The following SETDB2 variants were observed in gnomAD, a reference collection of about 807,000 sequenced individuals.
SETDB2 encodes the protein SET domain bifurcated histone lysine methyltransferase 2.
Under a neutral mutation model 82.5 loss-of-function variants are expected in SETDB2, and 56 were observed. The observed-to-expected ratio is 0.68, with a 90% confidence interval of 0.55 to 0.85. The LOEUF (loss-of-function observed/expected upper bound fraction) is 0.85, where lower values mean the gene tolerates loss of function less well. Ranked by LOEUF, SETDB2 falls within the 40% of genes least tolerant of loss-of-function variation. The probability of loss-of-function intolerance (pLI) is 0.00; values close to 1 mark genes in which losing one functional copy is unlikely to be tolerated. For synonymous variants in SETDB2, 272 were observed against 284.9 expected (o/e 0.95, Z 0.46); for missense variants, 677 against 816.4 (o/e 0.83, Z 2.08).
chr13:49,457,878 C>T (rs1024118302), intron 2 of SETDB2, among the ~76,000 whole-genome samples: 2 of 152,072 alleles, frequency 1.3e-5, no homozygotes, highest in East Asian at 3.9e-4. Flanking sequence ...TAAATACTTC[C>T]AAAATACTTG....
At chr13:49,454,236 C>T (rs1297554034) in intron 2 of SETDB2, among the ~76,000 whole-genome samples, 1 of 151,844 alleles carries the variant, frequency 6.6e-6, no homozygotes, top group Non-Finnish European at 1.5e-5. Flanking sequence ...AATCCTGTCT[C>T]TACTTAAAAA....
chr13:49,493,865 T>C lies in SETDB2; in HGVS notation c.*2016T>C, dbSNP rs1351836102. On this transcript the variant is annotated 3_prime_UTR_variant, in exon 14 of 14. Coordinates refer to ENST00000611815, the MANE Select transcript of SETDB2 (RefSeq NM_001160308.3). ...CTTCTCTTTTGCATATATAATCCAT[T>C]TTTATCTCTCTTGAAGCTTATAGGT... is the stretch of plus-strand genomic sequence containing the variant. 1 of 152,206 alleles carries C rather than the reference T, an allele frequency of 6.6e-6. No individual in the cohort carries two copies. Among genetic ancestry groups the C allele is most frequent in the African/African-American group, 2.4e-5 (1 of 41,452 alleles). 9.4% of individuals were successfully genotyped at this position (152,206 alleles called of 1,614,324 possible).
At chr13:49,479,232 G>A (rs1594169326) in intron 6 of SETDB2, among the ~76,000 whole-genome samples, 1 of 151,912 alleles carries the variant, frequency 6.6e-6, no homozygotes, top group Non-Finnish European at 1.5e-5. Context: ...TATATATGTG[G>A]TGTATATGTG....
intron 6 of SETDB2, among the ~76,000 whole-genome samples, chr13:49,479,452 G>A (rs530248407): frequency 8.3e-4 from 126 of 152,244 alleles, no homozygotes; most frequent in African/African-American, 3.0e-3. Flanking sequence ...GATTGTTGTC[G>A]TTGTTCTTTT....
intron 2 of SETDB2, among the ~76,000 whole-genome samples, chr13:49,455,475 T>C (rs747919837): frequency 2.0e-5 from 3 of 152,194 alleles, no homozygotes; most frequent in Admixed American, 2.0e-4. Context: ...CAGTGAATTA[T>C]GCAGATCTTC....
chr13:49,489,620 C>T (rs1201596870), intron 12 of SETDB2, among the ~76,000 whole-genome samples: 1 of 85,452 alleles, frequency 1.2e-5, no homozygotes, highest in Non-Finnish European at 2.1e-5. Flanking sequence ...TTTTTTGAGA[C>T]CGAGTCTTGC....
At chr13:49,487,410 ACTGTAC>A (rs1405778574) in intron 11 of SETDB2, among the ~76,000 whole-genome samples, 1 of 152,076 alleles carries the variant, frequency 6.6e-6, no homozygotes, top group Non-Finnish European at 1.5e-5. Context: ...ATCATAGCTC[ACTGTAC>A]CTTCCAATTC....
In SETDB2 at chr13:49,471,913, C is replaced by CATAT. The variant is rs1232849321; in HGVS notation, c.305+3972_305+3975dup. Among the ~76,000 whole-genome samples the CATAT allele has an allele frequency of 1.8e-3, 193 of 107,712 alleles. 1 individual carries two copies. Among genetic ancestry groups the CATAT allele is most frequent in the African/African-American group, 6.7e-3 (181 of 27,202 alleles). The allele number at this position is 107,712 out of a possible 152,430, so 70.7% of individuals were successfully genotyped here. ...CTAGTGCAAGTGTTATCTCATGTGA[C>CATAT]ATATATATATATATATATATATTTT... On this transcript the variant is annotated intron_variant, in intron 5 of 13. Transcript: ENST00000611815.
chr13:49,477,953 T>A (rs1301419350), intron 6 of SETDB2, among the ~76,000 whole-genome samples: 2 of 152,220 alleles, frequency 1.3e-5, no homozygotes, highest in African/African-American at 4.8e-5. Flanking sequence ...TGAAAAACAT[T>A]TTAAGGGTGT....
At chr13:49,454,756 T>C (rs1957848975) in intron 2 of SETDB2, among the ~76,000 whole-genome samples, 2 of 152,214 alleles carry the variant, frequency 1.3e-5, no homozygotes, top group Admixed American at 6.5e-5. Flanking sequence ...TCTATAATTA[T>C]AGTATCATAC....
chr13:49,455,731 TAC>T (rs1453190715), intron 2 of SETDB2, among the ~76,000 whole-genome samples: 1 of 152,012 alleles, frequency 6.6e-6, no homozygotes, highest in East Asian at 1.9e-4. Flanking sequence ...TCTGGAAAAC[TAC>T]AGTTTTATCA....
At position 49,492,042 on chromosome 13, in the gene SETDB2, G is replaced by A; in HGVS notation, c.*193G>A. On this transcript the variant is annotated 3_prime_UTR_variant, in exon 14 of 14. Coordinates refer to ENST00000611815, the MANE Select transcript of SETDB2 (RefSeq NM_001160308.3). ...ATTAGGATATTTTCATACACATAGG[G>A]TATCTTGTTCACTGCTGTGCTACTT... The A allele has an allele frequency of 1.6e-6, 1 of 610,582 alleles. No individual in the cohort carries two copies. The highest frequency in any genetic ancestry group is 1.6e-5 in the South Asian group (1 of 61,100). The allele number at this position is 610,582 out of a possible 1,614,324, so 37.8% of individuals were successfully genotyped here.
chr13:49,482,301 T>G, intron 8 of SETDB2: 1 of 985,420 alleles, frequency 1.0e-6, no homozygotes. Flanking sequence ...ATGCAGAACT[T>G]AATATGACAA....
At chr13:49,489,522 A>G (rs1958660301) in intron 12 of SETDB2, among the ~76,000 whole-genome samples, 1 of 148,940 alleles carries the variant, frequency 6.7e-6, no homozygotes, top group South Asian at 2.1e-4. Flanking sequence ...AAAAAAAGCC[A>G]TACCTTGAGA....
chr13:49,457,281 A>G (rs1447215034), intron 2 of SETDB2, among the ~76,000 whole-genome samples: 23 of 132,728 alleles, frequency 1.7e-4, no homozygotes, highest in Admixed American at 8.0e-4. Flanking sequence ...TTGAGCATTT[A>G]CTCTGTTTAC....
At chr13:49,474,061 A>C (rs903821044) in intron 5 of SETDB2, among the ~76,000 whole-genome samples, 1 of 152,232 alleles carries the variant, frequency 6.6e-6, no homozygotes, top group South Asian at 2.1e-4. Flanking sequence ...CAAGAGTTTG[A>C]GACCAGCCTG....
At chr13:49,467,195 C>T (rs970857636) in intron 4 of SETDB2, among the ~76,000 whole-genome samples, 12 of 151,960 alleles carry the variant, frequency 7.9e-5, no homozygotes, top group African/African-American at 2.9e-4. Context: ...GTCAGGAGTT[C>T]GAGATCAGCC....
At chr13:49,483,261 C>G (rs1958514918) in intron 9 of SETDB2, among the ~76,000 whole-genome samples, 1 of 152,016 alleles carries the variant, frequency 6.6e-6, no homozygotes, top group Non-Finnish European at 1.5e-5. Flanking sequence ...TTCATAGGTT[C>G]TCTTCCTTTT....
At chr13:49,485,860 A>G (rs1376045402) in intron 11 of SETDB2, 137 bp downstream of exon 11, 9 of 862,424 alleles carry the variant, frequency 1.0e-5, no homozygotes, top group Non-Finnish European at 1.4e-5. Context: ...TTGTCTACAT[A>G]AGAGATCAGC....
Sources: gnomAD v4.1 joint callset for allele counts (sites outside exome capture counted in the v4.1 genomes callset) on GRCh38, gnomAD v4.1.1 for gene constraint, MANE v1.5 for transcripts, NCBI Gene and HGNC (gene_info 2026-07-23, HGNC 2026-07-21) for gene names.